Variants in C2CD3 observed in about 807,000 individuals in gnomAD.
C2CD3 encodes the protein C2 domain containing 3 centriole elongation regulator, also known as C2 domain-containing protein 3.
Under a neutral mutation model 234.0 loss-of-function variants are expected in C2CD3, and 148 were observed. That is an observed-to-expected ratio of 0.63 (90% CI 0.55 to 0.72). The LOEUF is 0.72. C2CD3 is among the 30% of genes least tolerant of loss of function. The pLI, the probability that C2CD3 is intolerant of heterozygous loss-of-function variation, is 0.00. For missense variants in C2CD3, 2,577 were observed against 2,811.5 expected (o/e 0.92, Z 1.89); for synonymous variants, 1,000 against 1,035.4 (o/e 0.97, Z 0.66).
At chr11:74,085,118 C>G (rs1382854256) in intron 21 of C2CD3, 148 bp from the exon 22 acceptor site, 1 of 533,566 alleles carries the variant, frequency 1.9e-6, no homozygotes, top group Non-Finnish European at 3.3e-6. Context: ...TTGCTCATGC[C>G]CCAATCAAAG....
intron 24 of C2CD3, among the ~76,000 whole-genome samples, chr11:74,066,090 A>G (rs1382123592): frequency 6.7e-6 from 1 of 149,860 alleles, no homozygotes; most frequent in Non-Finnish European, 1.5e-5. Flanking sequence ...AATGTGGCAC[A>G]GATACACCAT....
In C2CD3 at chr11:74,170,904, G is replaced by C. The variant is rs552900448; in HGVS notation, c.-112C>G. On this transcript the variant is annotated 5_prime_UTR_variant, in exon 1 of 33. Transcript: ENST00000334126. ...CGTTCCCCGGCAACCGGCGCCGCTG[G>C]GCAGCCTGGGAGGCAGGAAAAAGCG... 125 of 1,574,472 alleles carry C rather than the reference G, an allele frequency of 7.9e-5. No homozygotes were observed. Among genetic ancestry groups the C allele is most frequent in the Non-Finnish European group, 1.0e-4 (117 of 1,161,972 alleles).
At chr11:74,105,135 G>A (rs1367981178) in intron 13 of C2CD3, among the ~76,000 whole-genome samples, 1 of 152,178 alleles carries the variant, frequency 6.6e-6, no homozygotes, top group African/African-American at 2.4e-5. Flanking sequence ...GACTCTTTAC[G>A]TAGAGTGACA....
In C2CD3 at chr11:74,167,556, T is replaced by C. The variant is rs527821317; in HGVS notation, c.325+788A>G. ...TTTCAAAAATTTTTTCTCGAGAGAA[T>C]GTAAGTTACTCAAGGACAAGTTAAT... On this transcript the variant is annotated intron_variant, in intron 2 of 32. Transcript: ENST00000334126. 2.6e-5 allele frequency among the ~76,000 whole-genome samples: 4 copies of C among 152,350 alleles called. No homozygotes were observed. The South Asian group carries it at 6.2e-4, about 24-fold the overall frequency.
At position 74,170,821 on chromosome 11, in the gene C2CD3, C is replaced by T; in HGVS notation, c.-29G>A. 1 of 1,612,128 alleles carries T rather than the reference C, an allele frequency of 6.2e-7. No individual in the cohort carries two copies. The highest frequency in any genetic ancestry group is 8.5e-7 in the Non-Finnish European group (1 of 1,178,788). On this transcript the variant is annotated 5_prime_UTR_variant, in exon 1 of 33. Coordinates refer to ENST00000334126, the MANE Select transcript of C2CD3 (RefSeq NM_001286577.2). ...GAGCCCGAGCTCTTCTTCACCAGCT[C>T]AACTCCGTCTCCAGCACCTAAGCAG...
At chr11:74,102,900 G>A (rs1447792434) in intron 14 of C2CD3, among the ~76,000 whole-genome samples, 2 of 152,178 alleles carry the variant, frequency 1.3e-5, no homozygotes, top group Non-Finnish European at 2.9e-5. Context: ...AAAAGAAACA[G>A]TGAGAAACCA....
chr11:74,151,717 G>A (rs1855676493), intron 3 of C2CD3, among the ~76,000 whole-genome samples: 1 of 152,070 alleles, frequency 6.6e-6, no homozygotes, highest in African/African-American at 2.4e-5. Flanking sequence ...AATAGTAGTA[G>A]GAAAACATGC....
intron 20 of C2CD3, among the ~76,000 whole-genome samples, chr11:74,088,705 T>G (rs1388311387): frequency 1.3e-5 from 2 of 152,236 alleles, no homozygotes; most frequent in African/African-American, 2.4e-5. Context: ...ATTGAAGAAT[T>G]CTGATGTTGG....
At chr11:74,079,243 A>C (rs1016783909) in intron 22 of C2CD3, among the ~76,000 whole-genome samples, 2 of 152,188 alleles carry the variant, frequency 1.3e-5, no homozygotes, top group African/African-American at 4.8e-5. Context: ...TAGATTTCAA[A>C]ATCTTTCTCT....
At chr11:74,150,738 G>C (rs1285140314) in intron 3 of C2CD3, among the ~76,000 whole-genome samples, 1 of 150,646 alleles carries the variant, frequency 6.6e-6, no homozygotes, top group Non-Finnish European at 1.5e-5. Flanking sequence ...AATAATATGA[G>C]GACTCATTAA....
intron 11 of C2CD3, among the ~76,000 whole-genome samples, chr11:74,112,938 A>G (rs979671249): frequency 5.9e-5 from 9 of 152,216 alleles, no homozygotes; most frequent in Non-Finnish European, 1.0e-4. Flanking sequence ...CAATTCTACC[A>G]TTAGATATAT....
At position 74,123,111 on chromosome 11, in the gene C2CD3, G is replaced by T. The variant is rs773235071; in HGVS notation, c.1242C>A (p.Phe414Leu). 2.5e-6 allele frequency: 4 copies of T among 1,613,108 alleles called. No homozygotes were observed. In the Admixed American group the frequency reaches 6.7e-5, roughly 27 times the overall value. ...CTGGAGGAGAGCCTAGCCCATCCCA[G>T]AAATTGCCTTGGGATAATTCAGCAC... Reference protein sequence around the residue: ...LGSAELSQGNFWDGLGSPPDS... With the variant: ...LGSAELSQGNLWDGLGSPPDS... Residue 414 changes from phenylalanine (F) to leucine (L), a missense_variant, in exon 8 of 33, where the codon TTC (phenylalanine) becomes TTA (leucine). Transcript: ENST00000334126.
In C2CD3 at chr11:74,113,900, GA is replaced by G. The variant is rs770714723; in HGVS notation, c.1731-9del. ...TATTCTACAAAGAAAGTGCTAAAAA[GA>G]AAAAAAAAGTGATTAAAAACTAACC... On this transcript the variant is annotated splice_polypyrimidine_tract_variant and intron_variant, in intron 10 of 32. Coordinates refer to ENST00000334126, the MANE Select transcript of C2CD3 (RefSeq NM_001286577.2). The G allele has an allele frequency of 9.5e-5, 138 of 1,456,510 alleles. No individual in the cohort carries two copies. Among genetic ancestry groups the G allele is most frequent in the Non-Finnish European group, 1.0e-4 (112 of 1,067,562 alleles). 90.2% of individuals were successfully genotyped at this position (1,456,510 alleles called of 1,614,324 possible).
chr11:74,073,353 G>A (rs757683333), intron 24 of C2CD3, among the ~76,000 whole-genome samples: 6 of 152,132 alleles, frequency 3.9e-5, no homozygotes, highest in Non-Finnish European at 8.8e-5. Flanking sequence ...TTGAGAGGCT[G>A]AGGTGGGTGG....
chr11:74,160,175 C>A (rs779813392), intron 3 of C2CD3, among the ~76,000 whole-genome samples: 2 of 152,044 alleles, frequency 1.3e-5, no homozygotes, highest in African/African-American at 4.8e-5. Context: ...CACTGACGTT[C>A]GCACAAGGAT....
intron 32 of C2CD3, 120 bp downstream of exon 32, chr11:74,028,167 G>C (rs1247895939): frequency 8.6e-6 from 6 of 701,206 alleles, no homozygotes; most frequent in Non-Finnish European, 1.4e-5. Flanking sequence ...CAAACTTGAG[G>C]AGTGACCCCT....
chr11:74,097,413 G>A (rs1956152582), intron 16 of C2CD3, among the ~76,000 whole-genome samples: 1 of 152,178 alleles, frequency 6.6e-6, no homozygotes, highest in Non-Finnish European at 1.5e-5. Flanking sequence ...GAAGTTAGAA[G>A]ACCTGTGTCT....
chr11:74,092,313 C>G (rs1051767044), intron 19 of C2CD3, 103 bp downstream of exon 19: 1 of 1,091,386 alleles, frequency 9.2e-7, no homozygotes, highest in African/African-American at 1.6e-5. Context: ...CCTTGGCTTC[C>G]CAAAGTGCTG....
chr11:74,076,483 C>T (rs1955047513), intron 23 of C2CD3, among the ~76,000 whole-genome samples: 1 of 152,204 alleles, frequency 6.6e-6, no homozygotes, highest in Non-Finnish European at 1.5e-5. Context: ...TAACTACAGT[C>T]ACTAGCTTTA....
Sources: gnomAD v4.1 joint callset for allele counts (sites outside exome capture counted in the v4.1 genomes callset) on GRCh38, gnomAD v4.1.1 for gene constraint, MANE v1.5 for transcripts, NCBI Gene and HGNC (gene_info 2026-07-23, HGNC 2026-07-21) for gene names.